Variants in ERBB4 observed in about 807,000 individuals in gnomAD.
ERBB4 encodes the protein receptor tyrosine-protein kinase erbB-4.
A neutral mutation model predicts 158.0 loss-of-function variants in ERBB4; 42 were observed. That is an observed-to-expected ratio of 0.27 (90% CI 0.21 to 0.34). The LOEUF is 0.34. Ranked by LOEUF, ERBB4 falls within the 10% of genes least tolerant of loss-of-function variation. ERBB4 has a pLI of 1.00. For synonymous variants in ERBB4, 583 were observed against 558.7 expected (o/e 1.04, Z -0.61); for missense variants, 1,333 against 1,624.1 (o/e 0.82, Z 3.08).
At chr2:211,542,211 A>C (rs1247008370) in intron 20 of ERBB4, among the ~76,000 whole-genome samples, 1 of 152,032 alleles carries the variant, frequency 6.6e-6, no homozygotes, top group Non-Finnish European at 1.5e-5. Flanking sequence ...CAAACATAGC[A>C]CATGGCCTGC....
chr2:212,487,177 G>C (rs1437053772), intron 1 of ERBB4, among the ~76,000 whole-genome samples: 2 of 152,040 alleles, frequency 1.3e-5, no homozygotes, highest in Non-Finnish European at 1.5e-5. Context: ...TGCTTGGTTT[G>C]CTTTGACTGG....
chr2:212,007,545 ATATT>A (rs1316573090), intron 2 of ERBB4, among the ~76,000 whole-genome samples: 1 of 151,878 alleles, frequency 6.6e-6, no homozygotes, highest in Admixed American at 6.6e-5. Flanking sequence ...CTTTTTAAAA[ATATT>A]TACTCGTAGT....
At chr2:211,781,513 C>T (rs962755658) in intron 4 of ERBB4, among the ~76,000 whole-genome samples, 3 of 152,168 alleles carry the variant, frequency 2.0e-5, no homozygotes, top group Non-Finnish European at 4.4e-5. Context: ...GATTGTTCTT[C>T]TCAGTGTCTT....
chr2:212,092,457 G>A (rs1453090405), intron 2 of ERBB4, among the ~76,000 whole-genome samples: 1 of 152,106 alleles, frequency 6.6e-6, no homozygotes, highest in Non-Finnish European at 1.5e-5. Flanking sequence ...AAACCAGATA[G>A]GACAAGGAGT....
At chr2:211,952,941 C>A (rs2080916259) in intron 2 of ERBB4, among the ~76,000 whole-genome samples, 1 of 151,706 alleles carries the variant, frequency 6.6e-6, no homozygotes, top group Non-Finnish European at 1.5e-5. Context: ...GTTATGTAAC[C>A]TTTGGTACAT....
chr2:212,149,182 TAA>T (rs1189441291), intron 1 of ERBB4, among the ~76,000 whole-genome samples: 47 of 151,868 alleles, frequency 3.1e-4, no homozygotes, highest in African/African-American at 1.0e-3. Flanking sequence ...AAAAAAATTT[TAA>T]AAAATTTGAT....
In ERBB4 at chr2:212,074,699, G is replaced by A. The variant is rs1213339877; in HGVS notation, c.234+50053C>T. On this transcript the variant is annotated intron_variant, in intron 2 of 27. Transcript: ENST00000342788. The stretch of plus-strand genomic sequence containing the variant: ...CATTAGATTTGGAAGGGATATTTAA[G>A]GATCCAGTTGGTGCTATGATTCTAA... 2.0e-5 allele frequency among the ~76,000 whole-genome samples: 3 copies of A among 151,852 alleles called. No homozygotes were observed. In the East Asian group the frequency reaches 5.8e-4, roughly 29 times the overall value.
chr2:211,966,741 G>T (rs11695985), intron 2 of ERBB4, among the ~76,000 whole-genome samples: 23,854 of 151,844 alleles, frequency 0.16, 1,910 homozygotes, highest in African/African-American at 0.19. Context: ...ATACCCTGTA[G>T]TTCTCTAGAG....
At chr2:211,870,741 T>A (rs528279666) in intron 3 of ERBB4, among the ~76,000 whole-genome samples, 3 of 152,096 alleles carry the variant, frequency 2.0e-5, no homozygotes, top group African/African-American at 4.8e-5. Flanking sequence ...GTAATTTTTA[T>A]TATATATATA....
chr2:211,954,567 T>C (rs912119368), intron 2 of ERBB4, among the ~76,000 whole-genome samples: 4 of 151,986 alleles, frequency 2.6e-5, no homozygotes, highest in African/African-American at 9.7e-5. Flanking sequence ...TCAACAAATA[T>C]AATGCTGATT....
At chr2:211,809,594 G>A (rs2076701762) in intron 3 of ERBB4, among the ~76,000 whole-genome samples, 1 of 151,884 alleles carries the variant, frequency 6.6e-6, no homozygotes, top group African/African-American at 2.4e-5. Context: ...TTCTTTATTA[G>A]TCTTGCTAGC....
chr2:211,869,997 T>G (rs1329792682), intron 3 of ERBB4, among the ~76,000 whole-genome samples: 2 of 152,182 alleles, frequency 1.3e-5, no homozygotes, highest in Non-Finnish European at 2.9e-5. Context: ...ACTGTCATAT[T>G]TAGTAAGACT....
At chr2:211,594,675 A>G (rs2125800190) in intron 19 of ERBB4, among the ~76,000 whole-genome samples, 1 of 152,342 alleles carries the variant, frequency 6.6e-6, no homozygotes, top group Non-Finnish European at 1.5e-5. Flanking sequence ...TTATTCTAGG[A>G]ACTAGAGTAG....
At chr2:211,763,798 C>T (rs1423475717) in intron 4 of ERBB4, among the ~76,000 whole-genome samples, 1 of 151,750 alleles carries the variant, frequency 6.6e-6, no homozygotes, top group Non-Finnish European at 1.5e-5. Context: ...ACAAAGTCTT[C>T]TGAGGTCTAA....
intron 5 of ERBB4, among the ~76,000 whole-genome samples, chr2:211,747,570 T>C (rs1187203604): frequency 6.6e-6 from 1 of 152,154 alleles, no homozygotes; most frequent in African/African-American, 2.4e-5. Context: ...AAATAAGAGA[T>C]GTTGGTGGAA....
intron 3 of ERBB4, among the ~76,000 whole-genome samples, chr2:211,861,075 T>A (rs112465988): frequency 4.3e-5 from 2 of 46,566 alleles, no homozygotes; most frequent in Non-Finnish European, 7.5e-5. Flanking sequence ...ATAATATATT[T>A]ATATATTATA....
intron 1 of ERBB4, among the ~76,000 whole-genome samples, chr2:212,190,504 T>C (rs1173709177): frequency 6.9e-6 from 1 of 145,956 alleles, no homozygotes; most frequent in Non-Finnish European, 1.5e-5. Flanking sequence ...GCCATTGCAC[T>C]CCAGCCTGGG....
chr2:212,394,989 G>A lies in ERBB4; in HGVS notation c.82+143460C>T, dbSNP rs2090981903. 2.0e-5 allele frequency among the ~76,000 whole-genome samples: 3 copies of A among 152,074 alleles called. No homozygotes were observed. The South Asian group carries it at 6.2e-4, about 32-fold the overall frequency. ...AGATCCAAGTAGTGATTATCAATAA[G>A]CATAATATGAATACATTAGTAAAAC... is the stretch of plus-strand genomic sequence containing the variant. On this transcript the variant is annotated intron_variant, in intron 1 of 27. Coordinates refer to ENST00000342788, the MANE Select transcript of ERBB4 (RefSeq NM_005235.3).
intron 5 of ERBB4, among the ~76,000 whole-genome samples, chr2:211,738,108 A>T (rs1205701400): frequency 6.6e-6 from 1 of 152,088 alleles, no homozygotes; most frequent in Non-Finnish European, 1.5e-5. Context: ...ATTAGTCTAC[A>T]TGGTGATTTT....
Sources: gnomAD v4.1 joint callset for allele counts (sites outside exome capture counted in the v4.1 genomes callset) on GRCh38, gnomAD v4.1.1 for gene constraint, MANE v1.5 for transcripts, NCBI Gene and HGNC (gene_info 2026-07-23, HGNC 2026-07-21) for gene names.